MME: variants seen among roughly 807,000 people sequenced by gnomAD.
The protein encoded by MME is membrane metalloendopeptidase.
A neutral mutation model predicts 113.2 loss-of-function variants in MME; 98 were observed. The observed-to-expected ratio is 0.87, with a 90% confidence interval of 0.74 to 1.02. MME has a LOEUF of 1.02. Among genes scored for constraint, MME ranks in the 50% least tolerant of loss-of-function variants. The pLI is 0.00. For missense variants in MME, 836 were observed against 896.0 expected (o/e 0.93, Z 0.86); for synonymous variants, 292 against 300.6 (o/e 0.97, Z 0.30).
rs1299146335 is a variant in MME, at chr3:155,141,882, G to GA, written c.958-107dup. ...AAAACTGATTGAAACAATTGAGGAA[G>GA]AATCCCAAGTGAATATCAAACTGAT... On this transcript the variant is annotated intron_variant, in intron 10 of 22. Coordinates refer to ENST00000360490, the MANE Select transcript of MME (RefSeq NM_007289.4). The GA allele has an allele frequency of 6.8e-6, 8 of 1,170,280 alleles. No homozygotes were observed. The African/African-American group carries it at 1.2e-4, about 18-fold the overall frequency. The allele number at this position is 1,170,280 out of a possible 1,614,324, so 72.5% of individuals were successfully genotyped here. A position where few individuals can be genotyped will look rare whatever the true frequency, so the allele number is the denominator to read the frequency against.
At chr3:155,084,608 C>T (rs930063403) in intron 2 of MME, among the ~76,000 whole-genome samples, 13 of 152,242 alleles carry the variant, frequency 8.5e-5, no homozygotes, top group African/African-American at 1.2e-4. Flanking sequence ...AAAATATACA[C>T]AATTTTATGG....
intron 1 of MME, among the ~76,000 whole-genome samples, chr3:155,080,766 TC>T (rs1370128401): frequency 6.6e-6 from 1 of 152,172 alleles, no homozygotes; most frequent in Non-Finnish European, 1.5e-5. Context: ...AGTCGATTCC[TC>T]CCCCATATAT....
chr3:155,114,641 G>C (rs1482148262), intron 3 of MME, among the ~76,000 whole-genome samples: 1 of 152,166 alleles, frequency 6.6e-6, no homozygotes, highest in Non-Finnish European at 1.5e-5. Context: ...GTGAAGAATG[G>C]CATGCTAACC....
chr3:155,138,293 C>G, intron 9 of MME, 57 bp downstream of exon 9: 1 of 1,553,066 alleles, frequency 6.4e-7, no homozygotes, highest in Non-Finnish European at 8.9e-7. Flanking sequence ...TTTTTTCTTT[C>G]CCCTCTCTAT....
chr3:155,062,473 C>G (rs1714182376), intron 1 of MME, among the ~76,000 whole-genome samples: 1 of 152,100 alleles, frequency 6.6e-6, no homozygotes, highest in South Asian at 2.1e-4. Context: ...TCATTACCAA[C>G]AAGAGGCAAA....
chr3:155,155,957 T>C (rs906868763), intron 16 of MME, among the ~76,000 whole-genome samples: 1 of 152,224 alleles, frequency 6.6e-6, no homozygotes, highest in Non-Finnish European at 1.5e-5. Flanking sequence ...GTAGTAATTT[T>C]CCATTACCTT....
intron 8 of MME, among the ~76,000 whole-genome samples, chr3:155,124,723 G>A (rs1410861526): frequency 6.6e-6 from 1 of 151,744 alleles, no homozygotes; most frequent in African/African-American, 2.4e-5. Context: ...CTCCCAGTTA[G>A]GCTGCTCGGG....
At chr3:155,143,225 A>G (rs773516146) in intron 12 of MME, among the ~76,000 whole-genome samples, 3 of 152,208 alleles carry the variant, frequency 2.0e-5, no homozygotes, top group Non-Finnish European at 4.4e-5. Context: ...AAAAAGTTCT[A>G]CTGGGGCATC....
intron 1 of MME, among the ~76,000 whole-genome samples, chr3:155,063,691 T>TATTAC (rs1404534242): frequency 7.4e-6 from 1 of 134,498 alleles, no homozygotes; most frequent in Non-Finnish European, 1.5e-5. Flanking sequence ...TATTATATTA[T>TATTAC]ATTATATTAT....
chr3:155,124,045 T>G (rs1719384260), intron 8 of MME, among the ~76,000 whole-genome samples: 1 of 100,884 alleles, frequency 9.9e-6, no homozygotes. Flanking sequence ...CCCCATCACT[T>G]TCAGGTATAC....
intron 18 of MME, among the ~76,000 whole-genome samples, chr3:155,167,888 G>A (rs766736628): frequency 2.0e-5 from 3 of 152,144 alleles, no homozygotes; most frequent in Non-Finnish European, 4.4e-5. Flanking sequence ...AAGTAGGTTG[G>A]CTACATAGCC....
chr3:155,046,177 T>C (rs1452930581), intron 1 of MME, among the ~76,000 whole-genome samples: 2 of 152,190 alleles, frequency 1.3e-5, no homozygotes, highest in Non-Finnish European at 2.9e-5. Flanking sequence ...TCCAACTTGT[T>C]TTCTCTTTAT....
At chr3:155,105,820 A>G (rs1717637234) in intron 3 of MME, among the ~76,000 whole-genome samples, 1 of 152,234 alleles carries the variant, frequency 6.6e-6, no homozygotes, top group Admixed American at 6.5e-5. Context: ...CGTTTGACAT[A>G]TGTCAAGTGT....
At chr3:155,047,502 T>C (rs1559891650) in intron 1 of MME, among the ~76,000 whole-genome samples, 3 of 152,222 alleles carry the variant, frequency 2.0e-5, no homozygotes, top group African/African-American at 2.4e-5. Flanking sequence ...ATAGTACTTA[T>C]CACCTCTAAA....
At chr3:155,105,596 T>C (rs1424447495) in intron 3 of MME, among the ~76,000 whole-genome samples, 1 of 152,180 alleles carries the variant, frequency 6.6e-6, no homozygotes, top group African/African-American at 2.4e-5. Context: ...CAGTTTCACA[T>C]AGTATAAGAT....
At chr3:155,037,731 C>T (rs910184286) in intron 1 of MME, among the ~76,000 whole-genome samples, 1 of 152,162 alleles carries the variant, frequency 6.6e-6, no homozygotes, top group Non-Finnish European at 1.5e-5. Context: ...ACATAATAAA[C>T]TATGCCAAAT....
chr3:155,171,846 C>T (rs1712008525), intron 20 of MME, among the ~76,000 whole-genome samples: 1 of 152,186 alleles, frequency 6.6e-6, no homozygotes, highest in African/African-American at 2.4e-5. Flanking sequence ...TTTAGGTCAT[C>T]CATTCATTCA....
chr3:155,059,687 G>T (rs1576675677), intron 1 of MME, among the ~76,000 whole-genome samples: 1 of 151,906 alleles, frequency 6.6e-6, no homozygotes, highest in Admixed American at 6.6e-5. Flanking sequence ...TATTTCAAAA[G>T]TATATTAAAT....
At chr3:155,129,603 G>A (rs544721634) in intron 8 of MME, among the ~76,000 whole-genome samples, 43 of 152,184 alleles carry the variant, frequency 2.8e-4, no homozygotes, top group Admixed American at 9.2e-4. Context: ...CACATTCACC[G>A]TGTCTGCTCT....
Sources: gnomAD v4.1 joint callset for allele counts (sites outside exome capture counted in the v4.1 genomes callset) on GRCh38, gnomAD v4.1.1 for gene constraint, MANE v1.5 for transcripts, NCBI Gene and HGNC (gene_info 2026-07-23, HGNC 2026-07-21) for gene names.